SLC5A4: variants seen among roughly 807,000 people sequenced by gnomAD.
SLC5A4 encodes the protein solute carrier family 5 member 4.
A neutral mutation model predicts 70.3 loss-of-function variants in SLC5A4; 55 were observed. The observed-to-expected ratio is 0.78, with a 90% CI of 0.63 to 0.98. SLC5A4 has a LOEUF of 0.98. Among genes scored for constraint, SLC5A4 ranks in the 50% least tolerant of loss-of-function variants. SLC5A4 has a pLI of 0.00. For synonymous variants in SLC5A4, 268 were observed against 305.7 expected (o/e 0.88, Z 1.29); for missense variants, 735 against 839.2 (o/e 0.88, Z 1.53).
the SLC5A4 span, among the ~76,000 whole-genome samples, chr22:32,304,298 G>A: frequency 6.6e-6 from 1 of 151,702 alleles, no homozygotes; most frequent in Non-Finnish European, 1.5e-5. Context: ...GGCTATTTTT[G>A]TGGGGTTTTT....
the SLC5A4 span, among the ~76,000 whole-genome samples, chr22:32,260,677 A>C: frequency 5.3e-5 from 8 of 152,286 alleles, no homozygotes; most frequent in East Asian, 9.6e-4. Context: ...ACTCTGAGCA[A>C]TGAGGTCTAC....
the SLC5A4 span, among the ~76,000 whole-genome samples, chr22:32,322,323 C>T: frequency 3.2e-3 from 482 of 152,300 alleles, 2 homozygotes; most frequent in Non-Finnish European, 4.9e-3. Flanking sequence ...GGGGCAGTGG[C>T]TCACGCCTGT....
rs1924853449 is a variant in SLC5A4 at position 32,218,509 on chromosome 22, A to G, written c.*5T>C. On this transcript the variant is annotated 3_prime_UTR_variant, in exon 15 of 15. Transcript: ENST00000266086. ...TATTCATTATTCTAATGGCTCAGAT[A>G]GAGTTCAGGCATAGTAGCCGTGAAT... 4.4e-6 allele frequency: 7 copies of G among 1,580,018 alleles called. No homozygotes were observed. Among genetic ancestry groups the G allele is most frequent in the Non-Finnish European group, 6.1e-6 (7 of 1,152,632 alleles).
chr22:32,281,057 A>ATATT, the SLC5A4 span, among the ~76,000 whole-genome samples: 3 of 152,160 alleles, frequency 2.0e-5, no homozygotes, highest in African/African-American at 7.2e-5. Flanking sequence ...GGAAAGACCA[A>ATATT]TATTTATTCA....
chr22:32,234,804 G>T, intron 8 of SLC5A4, 69 bp downstream of exon 8: 3 of 1,107,570 alleles, frequency 2.7e-6, no homozygotes, highest in Non-Finnish European at 2.7e-6. Context: ...GAAAGAACAA[G>T]CACATGCACA....
the SLC5A4 span, among the ~76,000 whole-genome samples, chr22:32,301,798 G>C: frequency 6.6e-6 from 1 of 151,400 alleles, no homozygotes; most frequent in African/African-American, 2.4e-5. Context: ...AATGGTACTG[G>C]CATAAGAATA....
chr22:32,329,411 G>T, the SLC5A4 span, among the ~76,000 whole-genome samples: 14 of 152,284 alleles, frequency 9.2e-5, no homozygotes, highest in African/African-American at 3.4e-4. Context: ...TCACAGCGGG[G>T]CCGCGGACAT....
the SLC5A4 span, among the ~76,000 whole-genome samples, chr22:32,310,008 T>A: frequency 2.1e-5 from 3 of 139,816 alleles, no homozygotes; most frequent in Non-Finnish European, 4.5e-5. Context: ...ACAAACCCCA[T>A]GAGTTTTTCA....
upstream of SLC5A4, among the ~76,000 whole-genome samples, chr22:32,259,352 A>C (rs1489687403): frequency 6.6e-6 from 1 of 152,206 alleles, no homozygotes; most frequent in Non-Finnish European, 1.5e-5. Context: ...CCTATTAGCT[A>C]TAGGGTTTTC....
At chr22:32,244,961 A>T (rs1926734491) in intron 5 of SLC5A4, among the ~76,000 whole-genome samples, 1 of 152,272 alleles carries the variant, frequency 6.6e-6, no homozygotes, top group Admixed American at 6.5e-5. Flanking sequence ...CATAATAAAG[A>T]GGAATTGCAA....
chr22:32,337,073 C>T, the SLC5A4 span, among the ~76,000 whole-genome samples: 6 of 152,158 alleles, frequency 3.9e-5, no homozygotes, highest in Admixed American at 1.3e-4. Flanking sequence ...ATGTGTGGCA[C>T]GGAGGTCAGA....
the SLC5A4 span, among the ~76,000 whole-genome samples, chr22:32,282,258 G>A: frequency 6.6e-6 from 1 of 152,076 alleles, no homozygotes; most frequent in South Asian, 2.1e-4. Context: ...GATTCCCTGA[G>A]GCTTAATGAA....
chr22:32,341,337 G>A, the SLC5A4 span, among the ~76,000 whole-genome samples: 8,535 of 152,200 alleles, frequency 0.056, 249 homozygotes, highest in South Asian at 0.085. Flanking sequence ...GGAGCAAGAA[G>A]GGCGGCCGTG....
At chr22:32,287,676 G>A in the SLC5A4 span, among the ~76,000 whole-genome samples, 1 of 150,122 alleles carries the variant, frequency 6.7e-6, no homozygotes, top group Non-Finnish European at 1.5e-5. Flanking sequence ...TTTAGAGATG[G>A]GGTTTCATAA....
chr22:32,271,637 G>A, the SLC5A4 span: 5 of 623,400 alleles, frequency 8.0e-6, no homozygotes, highest in Admixed American at 2.3e-5. Context: ...GTTCATCTGC[G>A]GCCCCTCACC....
At chr22:32,243,668 C>T (rs1926661377) in intron 5 of SLC5A4, among the ~76,000 whole-genome samples, 1 of 152,116 alleles carries the variant, frequency 6.6e-6, no homozygotes, top group African/African-American at 2.4e-5. Context: ...GGAAATTTTA[C>T]ATTGAAATTA....
rs77319837 is a variant in SLC5A4 at position 32,235,648 on chromosome 22, C to T, written c.665-555G>A. Among the ~76,000 whole-genome samples the T allele has an allele frequency of 1.4e-3, 219 of 152,130 alleles. 2 individuals carry two copies. In the East Asian group the frequency reaches 0.019, roughly 13 times the overall value. ...CAGAAATTGGGAGTGGCAGGTTAGA[C>T]GTGACAAGAGAAAATACTGAGACTC... On this transcript the variant is annotated intron_variant, in intron 7 of 14. Transcript: ENST00000266086.
intron 1 of SLC5A4, among the ~76,000 whole-genome samples, chr22:32,254,532 C>T (rs1271033430): frequency 1.3e-5 from 2 of 152,136 alleles, no homozygotes; most frequent in Non-Finnish European, 2.9e-5. Flanking sequence ...CGGCCGGGCA[C>T]GGTGGCTCAC....
At chr22:32,269,664 C>T in the SLC5A4 span, 3 of 592,782 alleles carry the variant, frequency 5.1e-6, no homozygotes, top group Non-Finnish European at 9.9e-6. The surrounding 1 kb of genome is among the most constrained non-coding windows in gnomAD (Gnocchi z 4.1). Context: ...CGTCAGCTCG[C>T]TGTTATACCT....
Sources: allele counts gnomAD v4.1 joint callset (sites outside exome capture counted in the v4.1 genomes callset), GRCh38; gene constraint gnomAD v4.1.1; non-coding constraint Gnocchi (gnomAD v3.1); transcripts MANE v1.5; gene names NCBI Gene and HGNC (gene_info 2026-07-23, HGNC 2026-07-21).